Variants in DPT observed in about 807,000 individuals in gnomAD.
DPT encodes tyrosine-rich acidic matrix protein.
DPT carries 21 observed loss-of-function variants against 31.2 expected under a neutral mutation model. The observed-to-expected ratio is 0.67, with a 90% confidence interval of 0.48 to 0.97. The LOEUF is 0.97. Among genes scored for constraint, DPT ranks in the 50% least tolerant of loss-of-function variants. The probability of loss-of-function intolerance (pLI) is 0.00; values close to 1 mark genes in which losing one functional copy is unlikely to be tolerated. For missense variants in DPT, 262 were observed against 258.8 expected (o/e 1.01, Z -0.08); for synonymous variants, 91 against 86.9 (o/e 1.05, Z -0.26).
At chr1:168,726,462 C>T (rs1466064911) in intron 1 of DPT, among the ~76,000 whole-genome samples, 1 of 152,238 alleles carries the variant, frequency 6.6e-6, no homozygotes, top group Non-Finnish European at 1.5e-5. Flanking sequence ...GGGTGAGCCA[C>T]AGCTCTGTGG....
At chr1:168,724,961 A>G (rs556269700) in intron 1 of DPT, among the ~76,000 whole-genome samples, 2 of 152,312 alleles carry the variant, frequency 1.3e-5, no homozygotes, top group Admixed American at 1.3e-4. Context: ...AAAAGTAGAT[A>G]CCAATAAATG....
At chr1:168,724,339 T>C (rs1275613363) in intron 1 of DPT, among the ~76,000 whole-genome samples, 1 of 152,198 alleles carries the variant, frequency 6.6e-6, no homozygotes, top group African/African-American at 2.4e-5. Context: ...AGCAAAATGG[T>C]TCCCCTGTGG....
chr1:168,718,134 G>A (rs985583012), intron 1 of DPT, among the ~76,000 whole-genome samples: 3 of 152,262 alleles, frequency 2.0e-5, no homozygotes, highest in African/African-American at 4.8e-5. Flanking sequence ...GAGCTGGGCT[G>A]TGGTTTCCAC....
At chr1:168,719,135 T>C (rs909963797) in intron 1 of DPT, among the ~76,000 whole-genome samples, 1 of 152,192 alleles carries the variant, frequency 6.6e-6, no homozygotes, top group Non-Finnish European at 1.5e-5. Flanking sequence ...GGAGGCAGAA[T>C]TGACTTTTAA....
chr1:168,718,188 C>A (rs552029664), intron 1 of DPT, among the ~76,000 whole-genome samples: 10 of 152,362 alleles, frequency 6.6e-5, no homozygotes, highest in Admixed American at 3.3e-4. Flanking sequence ...TGTACTCAGA[C>A]CCCTATAGGG....
Position 168,713,062 on chromosome 1 carries a change from A to G in DPT, c.431+1159T>C, listed in dbSNP as rs116443684. Among the ~76,000 whole-genome samples the G allele has an allele frequency of 9.6e-3, 1,456 of 151,998 alleles. 26 individuals carry two copies. Among genetic ancestry groups the G allele is most frequent in the African/African-American group, 0.033 (1,363 of 41,412 alleles). On this transcript the variant is annotated intron_variant, in intron 2 of 3. Coordinates refer to ENST00000367817, the MANE Select transcript of DPT (RefSeq NM_001937.5). ...AGGAAAGGCCAACACAGAGACTGAA[A>G]CTCAAGTTTCTTTTTGCCCAAACTG... is the stretch of plus-strand genomic sequence containing the variant.
chr1:168,707,245 ATAT>A (rs1417916602), intron 2 of DPT, among the ~76,000 whole-genome samples: 3 of 152,192 alleles, frequency 2.0e-5, no homozygotes, highest in South Asian at 2.1e-4. Context: ...CAATAAATAA[ATAT>A]TATTATTATC....
intron 1 of DPT, among the ~76,000 whole-genome samples, chr1:168,725,254 T>TTTCCTTTCCTTTCC (rs1557852197): frequency 2.9e-5 from 1 of 33,916 alleles, no homozygotes; most frequent in African/African-American, 1.7e-4. Context: ...CTTTCCTTTC[T>TTTCCTTTCCTTTCC]CTTTCCCTTC....
intron 1 of DPT, among the ~76,000 whole-genome samples, chr1:168,727,593 A>G (rs1275502119): frequency 1.4e-5 from 2 of 147,632 alleles, no homozygotes; most frequent in African/African-American, 5.0e-5. Context: ...GAGGGAATAC[A>G]GTGGTGCGAG....
chr1:168,702,919 T>C (rs952065734), intron 2 of DPT, among the ~76,000 whole-genome samples: 10 of 152,154 alleles, frequency 6.6e-5, no homozygotes, highest in Admixed American at 5.2e-4. Flanking sequence ...GCATGGTAAA[T>C]GTCTTATAAG....
chr1:168,724,696 A>T (rs1450617551), intron 1 of DPT, among the ~76,000 whole-genome samples: 1 of 151,962 alleles, frequency 6.6e-6, no homozygotes, highest in Non-Finnish European at 1.5e-5. Context: ...ACTCAGAACC[A>T]TGACTCAGGA....
intron 2 of DPT, among the ~76,000 whole-genome samples, chr1:168,707,545 A>G (rs1649749637): frequency 6.6e-6 from 1 of 152,188 alleles, no homozygotes; most frequent in African/African-American, 2.4e-5. Flanking sequence ...GGAGAGAGGT[A>G]TCACCTATAA....
rs534396133 is a variant in DPT, at chr1:168,699,243, A to C, written c.539+1774T>G. Among the ~76,000 whole-genome samples the C allele has an allele frequency of 7.9e-5, 12 of 152,238 alleles. No homozygotes were observed. The East Asian group carries it at 2.3e-3, about 29-fold the overall frequency. On this transcript the variant is annotated intron_variant, in intron 3 of 3. Transcript: ENST00000367817. Reference sequence around the variant, plus strand: ...ATTTGGAGCATTGAGCACCCCTGTTATTTCGTTTTGCACTTTGGGGAGCAT... The same window carrying C: ...ATTTGGAGCATTGAGCACCCCTGTTCTTTCGTTTTGCACTTTGGGGAGCAT...
intron 1 of DPT, among the ~76,000 whole-genome samples, chr1:168,719,507 T>A (rs1449032372): frequency 6.6e-6 from 1 of 152,134 alleles, no homozygotes; most frequent in Non-Finnish European, 1.5e-5. Context: ...GTCAAATGAC[T>A]AATGCTCTGA....
rs1421455572 is a variant in DPT at position 168,714,479 on chromosome 1, T to C, written c.306-133A>G. 19 of 1,136,834 alleles carry C rather than the reference T, an allele frequency of 1.7e-5. 1 individual carries two copies. The East Asian group carries it at 4.6e-4, about 28-fold the overall frequency. 70.4% of individuals were successfully genotyped at this position (1,136,834 alleles called of 1,614,324 possible). The stretch of plus-strand genomic sequence containing the variant: ...AACAATTTATTCCATTTTATGCAAA[T>C]AATAGTCTTTATTATATTTGTAGAA... On this transcript the variant is annotated intron_variant, in intron 1 of 3. Coordinates refer to ENST00000367817, the MANE Select transcript of DPT (RefSeq NM_001937.5).
intron 1 of DPT, among the ~76,000 whole-genome samples, chr1:168,725,588 T>C (rs1470650539): frequency 6.6e-6 from 1 of 152,082 alleles, no homozygotes; most frequent in African/African-American, 2.4e-5. Context: ...GATGGTGAAA[T>C]ACCACTCATG....
chr1:168,714,013 G>A (rs1456853724), intron 2 of DPT, among the ~76,000 whole-genome samples: 1 of 152,128 alleles, frequency 6.6e-6, no homozygotes, highest in Non-Finnish European at 1.5e-5. Flanking sequence ...TTCCTTTTCT[G>A]CCAAAAGAAG....
intron 3 of DPT, among the ~76,000 whole-genome samples, chr1:168,698,113 ATCCAGCTT>A (rs1391048022): frequency 3.3e-5 from 5 of 152,202 alleles, no homozygotes; most frequent in Non-Finnish European, 5.9e-5. Context: ...CAAGGCCTCC[ATCCAGCTT>A]CTAAACTGAA....
chr1:168,709,959 C>A (rs1390757489), intron 2 of DPT, among the ~76,000 whole-genome samples: 1 of 152,184 alleles, frequency 6.6e-6, no homozygotes, highest in Non-Finnish European at 1.5e-5. Flanking sequence ...CAGGTTTCAC[C>A]ATTGTTACTG....
Sources: gnomAD v4.1 joint callset for allele counts (sites outside exome capture counted in the v4.1 genomes callset) on GRCh38, gnomAD v4.1.1 for gene constraint, MANE v1.5 for transcripts, NCBI Gene and HGNC (gene_info 2026-07-23, HGNC 2026-07-21) for gene names.